The following MEMO1 variants were observed in gnomAD, a reference collection of about 807,000 sequenced individuals.
The protein encoded by MEMO1 is mediator of cell motility 1, also known as protein MEMO1.
MEMO1 carries 6 observed loss-of-function variants against 45.2 expected under a neutral mutation model. The ratio of observed to expected loss-of-function variants is 0.13; its 90% CI spans 0.07 to 0.26. The LOEUF (loss-of-function observed/expected upper bound fraction) is 0.26, where lower values mean the gene tolerates loss of function less well. MEMO1 is among the 10% of genes least tolerant of loss of function. MEMO1 has a pLI of 1.00. For synonymous variants in MEMO1, 78 were observed against 124.3 expected, an observed-to-expected ratio of 0.63 and a Z score of 2.48; for missense variants, 184 against 370.5, an observed-to-expected ratio of 0.50 and a Z score of 4.13.
chr2:31,880,618 C>G (rs1355459749), intron 8 of MEMO1, among the ~76,000 whole-genome samples: 1 of 152,138 alleles, frequency 6.6e-6, no homozygotes, highest in Non-Finnish European at 1.5e-5. Context: ...TGAAGACTTA[C>G]AAGCTGACAG....
At chr2:31,882,278 C>G (rs946367598) in intron 8 of MEMO1, among the ~76,000 whole-genome samples, 1 of 152,094 alleles carries the variant, frequency 6.6e-6, no homozygotes, top group Non-Finnish European at 1.5e-5. Flanking sequence ...TGATGTGCCA[C>G]TGCACTCCAG....
chr2:31,969,687 G>A (rs1257925297), intron 2 of MEMO1, among the ~76,000 whole-genome samples: 1 of 148,090 alleles, frequency 6.8e-6, no homozygotes, highest in Non-Finnish European at 1.5e-5. Flanking sequence ...CACAATCACT[G>A]TAACCTCAAA....
intron 6 of MEMO1, among the ~76,000 whole-genome samples, chr2:31,914,960 T>A (rs1473822011): frequency 8.1e-6 from 1 of 122,752 alleles, no homozygotes; most frequent in Non-Finnish European, 1.7e-5. Flanking sequence ...CTGTCTCTTT[T>A]TAAAAAAAAA....
chr2:31,934,899 G>T (rs1664728785), intron 3 of MEMO1, among the ~76,000 whole-genome samples: 1 of 152,174 alleles, frequency 6.6e-6, no homozygotes, highest in South Asian at 2.1e-4. Context: ...CTCTATCAGT[G>T]CTGGTGGGCA....
chr2:31,926,172 G>C (rs960227502), intron 4 of MEMO1, among the ~76,000 whole-genome samples: 9 of 152,050 alleles, frequency 5.9e-5, no homozygotes, highest in Admixed American at 4.6e-4. Flanking sequence ...TTCAAGACCA[G>C]CCTGAGCAAC....
chr2:31,945,496 A>T (rs1666085130), intron 2 of MEMO1, among the ~76,000 whole-genome samples: 1 of 152,186 alleles, frequency 6.6e-6, no homozygotes, highest in South Asian at 2.1e-4. Flanking sequence ...AATTTAAAAT[A>T]AGAGGCCTAA....
At chr2:31,949,389 G>GA (rs1666559614) in intron 2 of MEMO1, among the ~76,000 whole-genome samples, 1 of 152,152 alleles carries the variant, frequency 6.6e-6, no homozygotes, top group Non-Finnish European at 1.5e-5. Context: ...AATGGATAAA[G>GA]AAACAGTGGT....
chr2:31,946,151 T>C (rs1342927430), intron 2 of MEMO1, among the ~76,000 whole-genome samples: 1 of 152,224 alleles, frequency 6.6e-6, no homozygotes, highest in Non-Finnish European at 1.5e-5. Context: ...ACACAAGTAA[T>C]AGTTAAAGGT....
intron 6 of MEMO1, among the ~76,000 whole-genome samples, chr2:31,907,123 C>T (rs1442206969): frequency 1.3e-5 from 2 of 152,064 alleles, no homozygotes; most frequent in African/African-American, 4.8e-5. Flanking sequence ...ATGCCTAATC[C>T]CATGAAAACT....
intron 6 of MEMO1, among the ~76,000 whole-genome samples, chr2:31,902,737 T>C (rs1394921634): frequency 6.6e-6 from 1 of 151,774 alleles, no homozygotes; most frequent in Non-Finnish European, 1.5e-5. Context: ...CCTCACATTT[T>C]GTTTGTTTGT....
At position 31,899,947 on chromosome 2, in the gene MEMO1, C is replaced by A. The variant is rs150162028; in HGVS notation, c.438-7813G>T. On this transcript the variant is annotated intron_variant, in intron 6 of 9. Transcript: ENST00000404530. ...TGAAAAGAAGCTCATCATCACTGGT[C>A]ATTAGAGAAATGCAAATCAAAACCA... Among the ~76,000 whole-genome samples, 696 of 152,318 alleles carry A rather than the reference C, an allele frequency of 4.6e-3. 9 individuals carry two copies. The highest frequency in any genetic ancestry group is 0.029 in the Admixed American group (436 of 15,296).
chr2:31,988,602 T>C (rs529003958), intron 2 of MEMO1, among the ~76,000 whole-genome samples: 1 of 152,318 alleles, frequency 6.6e-6, no homozygotes, highest in South Asian at 2.1e-4. Context: ...GTTGTCTCAT[T>C]AGCAGTAGCA....
At chr2:31,882,971 G>A (rs1000622100) in intron 8 of MEMO1, among the ~76,000 whole-genome samples, 1 of 151,910 alleles carries the variant, frequency 6.6e-6, no homozygotes, top group African/African-American at 2.4e-5. Flanking sequence ...CAACAATGCT[G>A]TTCAGAAGGA....
At chr2:31,951,985 T>C (rs1261481451) in intron 2 of MEMO1, among the ~76,000 whole-genome samples, 1 of 152,216 alleles carries the variant, frequency 6.6e-6, no homozygotes, top group Non-Finnish European at 1.5e-5. Flanking sequence ...AAGGATGTTG[T>C]TTGTTTTTAT....
chr2:31,935,241 A>G (rs1016240861), intron 3 of MEMO1, among the ~76,000 whole-genome samples: 4 of 152,174 alleles, frequency 2.6e-5, no homozygotes, highest in East Asian at 1.9e-4. Flanking sequence ...GTTACCCACT[A>G]TAAGAGATCT....
chr2:31,966,552 G>A (rs1235755001), intron 2 of MEMO1, among the ~76,000 whole-genome samples: 2 of 152,002 alleles, frequency 1.3e-5, no homozygotes, highest in African/African-American at 4.8e-5. Flanking sequence ...CCAACATGAG[G>A]AAACCCCCTT....
intron 2 of MEMO1, among the ~76,000 whole-genome samples, chr2:31,970,222 G>A (rs369310613): frequency 5.9e-5 from 9 of 152,128 alleles, no homozygotes; most frequent in African/African-American, 1.9e-4. Context: ...CCGCCACCTC[G>A]GCCTCCCAAA....
chr2:31,966,739 A>AAAAAAAAAAAT (rs1335183871), intron 2 of MEMO1, among the ~76,000 whole-genome samples: 10 of 151,798 alleles, frequency 6.6e-5, no homozygotes, highest in African/African-American at 2.2e-4. Context: ...TCTCAAAAAA[A>AAAAAAAAAAAT]AAAAATGAAA....
At chr2:31,891,004 G>A (rs1313622475) in intron 7 of MEMO1, among the ~76,000 whole-genome samples, 3 of 152,190 alleles carry the variant, frequency 2.0e-5, no homozygotes, top group Admixed American at 2.0e-4. Context: ...TTCAGAGATA[G>A]AAGCAAGAGA....
Sources: gnomAD v4.1 joint callset for allele counts (sites outside exome capture counted in the v4.1 genomes callset) on GRCh38, gnomAD v4.1.1 for gene constraint, MANE v1.5 for transcripts, NCBI Gene and HGNC (gene_info 2026-07-23, HGNC 2026-07-21) for gene names.